PPP2R2C: variants seen among roughly 807,000 people sequenced by gnomAD.
PPP2R2C encodes protein phosphatase 2 regulatory subunit Bgamma, also known as protein phosphatase 2, regulatory subunit B, gamma.
A neutral mutation model predicts 45.3 loss-of-function variants in PPP2R2C; 10 were observed. The observed-to-expected ratio is 0.22, with a 90% CI of 0.14 to 0.37. PPP2R2C has a LOEUF of 0.37. Ranked by LOEUF, PPP2R2C falls within the 10% of genes least tolerant of loss-of-function variation. The pLI is 1.00. For synonymous variants in PPP2R2C, 257 were observed against 245.4 expected, an observed-to-expected ratio of 1.05 and a Z score of -0.44; for missense variants, 308 against 619.7, an observed-to-expected ratio of 0.50 and a Z score of 5.34.
chr4:6,529,826 C>T (rs773291401), intron 2 of PPP2R2C, among the ~76,000 whole-genome samples: 4 of 152,168 alleles, frequency 2.6e-5, no homozygotes, highest in Non-Finnish European at 4.4e-5. Flanking sequence ...TGGGTGAGGA[C>T]CACTCACTTC....
intron 2 of PPP2R2C, among the ~76,000 whole-genome samples, chr4:6,516,918 G>T (rs1447762015): frequency 1.3e-5 from 2 of 152,172 alleles, no homozygotes; most frequent in Non-Finnish European, 2.9e-5. Context: ...GTCTTGGCGA[G>T]TGGCATGTAG....
chr4:6,449,128 C>A (rs1413958077), intron 1 of PPP2R2C, among the ~76,000 whole-genome samples: 2 of 152,200 alleles, frequency 1.3e-5, no homozygotes, highest in Non-Finnish European at 2.9e-5. Context: ...CACACCAAGT[C>A]CACGTAGAAG....
chr4:6,422,904 T>A (rs898310157), intron 1 of PPP2R2C, among the ~76,000 whole-genome samples: 1 of 152,228 alleles, frequency 6.6e-6, no homozygotes, highest in Non-Finnish European at 1.5e-5. Context: ...TTAGAGTTTT[T>A]AAGTAACAAC....
chr4:6,473,195 C>T (rs761265459), upstream of PPP2R2C, among the ~76,000 whole-genome samples: 146 of 152,154 alleles, frequency 9.6e-4, no homozygotes, highest in Non-Finnish European at 9.7e-4. Flanking sequence ...TCTGAGATCT[C>T]TCCTCATGCC....
chr4:6,496,443 C>T (rs981217871), intron 2 of PPP2R2C, among the ~76,000 whole-genome samples: 5 of 152,170 alleles, frequency 3.3e-5, no homozygotes, highest in African/African-American at 1.2e-4. Flanking sequence ...TTCCAGTGAA[C>T]ACCCACCTAC....
At chr4:6,461,691 T>C (rs1009536632) in intron 1 of PPP2R2C, among the ~76,000 whole-genome samples, 4 of 152,176 alleles carry the variant, frequency 2.6e-5, no homozygotes, top group African/African-American at 4.8e-5. Flanking sequence ...GCCCCTGGAA[T>C]GTGGGGATTT....
At chr4:6,351,657 T>A (rs780599620) in intron 5 of PPP2R2C, among the ~76,000 whole-genome samples, 1 of 152,142 alleles carries the variant, frequency 6.6e-6, no homozygotes, top group Non-Finnish European at 1.5e-5. Context: ...CACATCACCC[T>A]GCAGAAGGAG....
intron 1 of PPP2R2C, among the ~76,000 whole-genome samples, chr4:6,411,900 T>C (rs1359803429): frequency 6.6e-6 from 1 of 152,252 alleles, no homozygotes; most frequent in Non-Finnish European, 1.5e-5. Flanking sequence ...CCCTGCCATA[T>C]TCCTTGGTTA....
chr4:6,440,688 C>A (rs1191214887), intron 1 of PPP2R2C, among the ~76,000 whole-genome samples: 2 of 152,246 alleles, frequency 1.3e-5, no homozygotes, highest in Admixed American at 1.3e-4. Flanking sequence ...CACCTCCCTC[C>A]CTGACTGGCA....
intron 2 of PPP2R2C, among the ~76,000 whole-genome samples, chr4:6,478,533 C>T (rs1175730608): frequency 6.6e-6 from 1 of 151,856 alleles, no homozygotes; most frequent in African/African-American, 2.4e-5. Flanking sequence ...GGGCCCTGTT[C>T]GATGTGCTGA....
At chr4:6,384,810 G>T (rs553389858) in intron 1 of PPP2R2C, 1 of 985,458 alleles carries the variant, frequency 1.0e-6, no homozygotes, top group Admixed American at 6.1e-5. Flanking sequence ...GGCAGCAGAG[G>T]AGATGGAGGC....
intron 4 of PPP2R2C, among the ~76,000 whole-genome samples, chr4:6,374,962 C>T (rs940702058): frequency 5.9e-5 from 9 of 152,124 alleles, no homozygotes; most frequent in Admixed American, 5.2e-4. Context: ...AGTTAAGTGT[C>T]TTGGGATGTG....
rs551031082 is a variant in PPP2R2C at position 6,510,754 on chromosome 4, G to A, written c.49+24517C>T. Among the ~76,000 whole-genome samples, 57 of 152,144 alleles carry A rather than the reference G, an allele frequency of 3.7e-4. No individual in the cohort carries two copies. The South Asian group carries it at 0.012, about 31-fold the overall frequency. On this transcript the variant is annotated intron_variant, in intron 2 of 9. Coordinates refer to the PPP2R2C transcript ENST00000506140. ...GCACTTTGGGAGGCCGAGGTGGGCG[G>A]ACCCCGAGGTCAGGAGATAGAGACC...
At chr4:6,434,970 A>G (rs1400245289) in intron 1 of PPP2R2C, among the ~76,000 whole-genome samples, 1 of 152,206 alleles carries the variant, frequency 6.6e-6, no homozygotes, top group Non-Finnish European at 1.5e-5. Context: ...GTACTTCTCT[A>G]TGTCTTTCTG....
chr4:6,510,984 A>AAC (rs749088414), intron 2 of PPP2R2C, among the ~76,000 whole-genome samples: 10,859 of 94,372 alleles, frequency 0.12, 986 homozygotes, highest in African/African-American at 0.22. Context: ...CTCAAACAAA[A>AAC]AAAAACAAAC....
intron 1 of PPP2R2C, among the ~76,000 whole-genome samples, chr4:6,466,280 T>C (rs1368893961): frequency 6.6e-6 from 1 of 152,156 alleles, no homozygotes; most frequent in African/African-American, 2.4e-5. Context: ...CCCCGTCCCA[T>C]CAGATTTCGC....
intron 2 of PPP2R2C, among the ~76,000 whole-genome samples, chr4:6,489,746 C>G (rs1722637069): frequency 6.6e-6 from 1 of 152,168 alleles, no homozygotes; most frequent in Non-Finnish European, 1.5e-5. Context: ...CACTACTCAA[C>G]AAGTGAGCCG....
intron 1 of PPP2R2C, among the ~76,000 whole-genome samples, chr4:6,422,402 C>T (rs752812239): frequency 1.8e-4 from 27 of 152,222 alleles, no homozygotes; most frequent in Non-Finnish European, 3.8e-4. Flanking sequence ...CCTCAGCGTC[C>T]TCATTTTTTT....
At chr4:6,438,444 G>A (rs1030171095) in intron 1 of PPP2R2C, among the ~76,000 whole-genome samples, 5 of 152,134 alleles carry the variant, frequency 3.3e-5, no homozygotes, top group South Asian at 2.1e-4. Context: ...TTTGGTGGAC[G>A]GGTCTCCCTC....
Sources: allele counts gnomAD v4.1 joint callset (sites outside exome capture counted in the v4.1 genomes callset), GRCh38; gene constraint gnomAD v4.1.1; transcripts MANE v1.5; gene names NCBI Gene and HGNC (gene_info 2026-07-23, HGNC 2026-07-21).